Variants in TENM3 observed in about 807,000 individuals in gnomAD.
TENM3 encodes teneurin transmembrane protein 3.
Under a neutral mutation model 255.1 loss-of-function variants are expected in TENM3, and 63 were observed. The ratio of observed to expected loss-of-function variants is 0.25; its 90% CI spans 0.20 to 0.30. The LOEUF (loss-of-function observed/expected upper bound fraction) is 0.30, where lower values mean the gene tolerates loss of function less well. Ranked by LOEUF, TENM3 falls within the 10% of genes least tolerant of loss-of-function variation. The probability of loss-of-function intolerance (pLI) is 1.00; values close to 1 mark genes in which losing one functional copy is unlikely to be tolerated. For synonymous variants in TENM3, 1,306 were observed against 1,322.3 expected (o/e 0.99, Z 0.27); for missense variants, 2,929 against 3,461.1 (o/e 0.85, Z 3.86).
intron 3 of TENM3, among the ~76,000 whole-genome samples, chr4:182,381,543 C>T (rs1767567103): frequency 6.7e-6 from 1 of 148,588 alleles, no homozygotes; most frequent in African/African-American, 2.5e-5. Context: ...CTTTTCCTCC[C>T]CTCCCCTCCC....
intron 3 of TENM3, among the ~76,000 whole-genome samples, chr4:182,571,362 C>CA (rs967123988): frequency 9.9e-5 from 15 of 151,686 alleles, no homozygotes; most frequent in East Asian, 5.8e-4. Flanking sequence ...CCTGTCTTTT[C>CA]AAAAAAAACA....
chr4:182,681,491 G>T (rs72703932), intron 10 of TENM3, among the ~76,000 whole-genome samples: 1 of 152,244 alleles, frequency 6.6e-6, no homozygotes, highest in Non-Finnish European at 1.5e-5. Flanking sequence ...CACAGATTTT[G>T]TTATAGAGAA....
intron 3 of TENM3, among the ~76,000 whole-genome samples, chr4:182,353,315 A>C (rs1206252410): frequency 6.6e-6 from 1 of 152,206 alleles, no homozygotes; most frequent in East Asian, 1.9e-4. Context: ...TATACATACT[A>C]AACTATAGCT....
the TENM3 span, among the ~76,000 whole-genome samples, chr4:181,915,829 C>T: frequency 1.3e-5 from 2 of 151,952 alleles, no homozygotes; most frequent in African/African-American, 4.8e-5. Context: ...GATTAAACAC[C>T]ACGAGTAACG....
the TENM3 span, among the ~76,000 whole-genome samples, chr4:181,785,433 G>A: frequency 2.6e-5 from 4 of 152,116 alleles, no homozygotes; most frequent in East Asian, 7.7e-4. Flanking sequence ...ACCCAAAAGA[G>A]GCAAGCCAAC....
chr4:182,212,229 G>C (rs935487063), intron 1 of TENM3, among the ~76,000 whole-genome samples: 10 of 152,200 alleles, frequency 6.6e-5, no homozygotes, highest in African/African-American at 2.4e-4. Context: ...CCGGCTCCCT[G>C]GGAGCTTGCT....
chr4:182,794,034 G>T, intron 26 of TENM3, 149 bp downstream of exon 26: 1 of 724,168 alleles, frequency 1.4e-6, no homozygotes, highest in Non-Finnish European at 2.2e-6. Context: ...ATTTCTTTAT[G>T]GAACCATAGA....
At chr4:181,642,626 C>T in the TENM3 span, among the ~76,000 whole-genome samples, 1 of 152,016 alleles carries the variant, frequency 6.6e-6, no homozygotes, top group African/African-American at 2.4e-5. Flanking sequence ...AGTCTTTAAT[C>T]CATTTTGAGT....
intron 3 of TENM3, among the ~76,000 whole-genome samples, chr4:182,500,733 T>C (rs1465606327): frequency 2.0e-5 from 3 of 152,112 alleles, no homozygotes; most frequent in Non-Finnish European, 4.4e-5. Flanking sequence ...TCAGCACTGT[T>C]TGTAATTGCC....
At chr4:181,823,892 C>A in the TENM3 span, among the ~76,000 whole-genome samples, 6 of 152,186 alleles carry the variant, frequency 3.9e-5, no homozygotes, top group South Asian at 8.3e-4. Context: ...CACTAAATGG[C>A]AGCTATCTCA....
chr4:182,463,849 C>T (rs573826208), intron 3 of TENM3, among the ~76,000 whole-genome samples: 117 of 151,984 alleles, frequency 7.7e-4, no homozygotes, highest in Non-Finnish European at 1.3e-3. Context: ...TCTCGAACTC[C>T]GACCTCAGGT....
the TENM3 span, among the ~76,000 whole-genome samples, chr4:181,753,725 G>A: frequency 6.6e-6 from 1 of 152,140 alleles, no homozygotes; most frequent in Non-Finnish European, 1.5e-5. Context: ...TACAGTTTTA[G>A]GTCCCAAAAG....
the TENM3 span, among the ~76,000 whole-genome samples, chr4:181,714,662 T>C: frequency 2.0e-5 from 3 of 152,302 alleles, no homozygotes; most frequent in African/African-American, 7.2e-5. Flanking sequence ...CCTCCCTCCA[T>C]AGGCCAGCTC....
At chr4:181,737,866 T>G in the TENM3 span, among the ~76,000 whole-genome samples, 41 of 150,954 alleles carry the variant, frequency 2.7e-4, no homozygotes, top group African/African-American at 9.5e-4. Context: ...AAATGCAGGA[T>G]GTGGTATTAC....
chr4:181,775,882 G>A, the TENM3 span, among the ~76,000 whole-genome samples: 1 of 152,058 alleles, frequency 6.6e-6, no homozygotes, highest in South Asian at 2.1e-4. Context: ...GAGTACTTAG[G>A]ATATCAATCA....
At chr4:182,557,192 C>G (rs1476046761) in intron 3 of TENM3, among the ~76,000 whole-genome samples, 1 of 152,102 alleles carries the variant, frequency 6.6e-6, no homozygotes, top group African/African-American at 2.4e-5. Context: ...CTAATTATTA[C>G]CTGTTTATAA....
the TENM3 span, among the ~76,000 whole-genome samples, chr4:181,940,400 G>A: frequency 2.6e-5 from 4 of 152,108 alleles, no homozygotes; most frequent in Non-Finnish European, 5.9e-5. Flanking sequence ...GATTCAATCA[G>A]TTATCTATTG....
chr4:182,059,970 A>G, the TENM3 span, among the ~76,000 whole-genome samples: 2 of 151,706 alleles, frequency 1.3e-5, no homozygotes, highest in Non-Finnish European at 2.9e-5. Context: ...AATTGGCCTT[A>G]TTAGGCTGAG....
chr4:182,258,009 A>T (rs1329863292), intron 1 of TENM3, among the ~76,000 whole-genome samples: 2 of 152,154 alleles, frequency 1.3e-5, no homozygotes, highest in Non-Finnish European at 2.9e-5. Context: ...CTCAGAATTC[A>T]GGAGTATATA....
Sources: allele counts gnomAD v4.1 joint callset (sites outside exome capture counted in the v4.1 genomes callset), GRCh38; gene constraint gnomAD v4.1.1; transcripts MANE v1.5; gene names NCBI Gene and HGNC (gene_info 2026-07-23, HGNC 2026-07-21).